Variants in NTM observed in about 807,000 individuals in gnomAD.
NTM encodes IgLON family member 2.
NTM carries 13 observed loss-of-function variants against 42.1 expected under a neutral mutation model. The observed-to-expected ratio is 0.31, with a 90% CI of 0.20 to 0.49. NTM has a LOEUF of 0.49. Among genes scored for constraint, NTM ranks in the 20% least tolerant of loss-of-function variants. The pLI, the probability that NTM is intolerant of heterozygous loss-of-function variation, is 0.99. For missense variants in NTM, 373 were observed against 452.8 expected (o/e 0.82, Z 1.60); for synonymous variants, 187 against 179.2 (o/e 1.04, Z -0.35).
chr11:131,629,034 C>T (rs940706588), intron 1 of NTM, among the ~76,000 whole-genome samples: 3 of 152,188 alleles, frequency 2.0e-5, no homozygotes, highest in Non-Finnish European at 4.4e-5. Flanking sequence ...GGCAATAAGC[C>T]GTGTCTGTCC....
chr11:131,516,893 T>C (rs555185754), intron 1 of NTM, among the ~76,000 whole-genome samples: 70 of 152,196 alleles, frequency 4.6e-4, no homozygotes, highest in Non-Finnish European at 9.0e-4. Context: ...GTTTCCACAG[T>C]AGATATAGGG....
At chr11:131,646,726 C>T (rs948601379) in intron 1 of NTM, among the ~76,000 whole-genome samples, 5 of 151,716 alleles carry the variant, frequency 3.3e-5, no homozygotes, top group Non-Finnish European at 5.9e-5. Context: ...CCAACAGAAA[C>T]GTATAGTGGG....
chr11:132,237,459 C>T lies in NTM; in HGVS notation c.526+25312C>T, dbSNP rs549319299. Among the ~76,000 whole-genome samples, 322 of 152,302 alleles carry T rather than the reference C, an allele frequency of 2.1e-3. 1 individual carries two copies. The highest frequency in any genetic ancestry group is 7.3e-3 in the African/African-American group (304 of 41,572). The stretch of plus-strand genomic sequence containing the variant: ...TGAAATTTTGTCTTGATAATTAGCT[C>T]TTTACTCTCTCAGCCTTTGGGCCAC... On this transcript the variant is annotated intron_variant, in intron 4 of 8. Transcript: ENST00000683400.
At chr11:131,991,427 ATTACT>A (rs1196438025) in intron 2 of NTM, among the ~76,000 whole-genome samples, 3 of 152,238 alleles carry the variant, frequency 2.0e-5, no homozygotes, top group Middle Eastern at 3.4e-3. Flanking sequence ...TGATTAAATG[ATTACT>A]TTAGTCTTTC....
chr11:131,836,760 C>G (rs1313965246), intron 1 of NTM, among the ~76,000 whole-genome samples: 1 of 152,128 alleles, frequency 6.6e-6, no homozygotes, highest in Non-Finnish European at 1.5e-5. Flanking sequence ...ACTAATTACT[C>G]TGGAACTGAT....
At chr11:131,492,726 TG>T (rs1180051543) in intron 1 of NTM, among the ~76,000 whole-genome samples, 1 of 152,062 alleles carries the variant, frequency 6.6e-6, no homozygotes, top group Non-Finnish European at 1.5e-5. Context: ...AATATCAAGT[TG>T]AAAAAAATGG....
intron 3 of NTM, among the ~76,000 whole-genome samples, chr11:132,202,207 T>A (rs1487843260): frequency 2.0e-5 from 3 of 152,212 alleles, no homozygotes; most frequent in Non-Finnish European, 4.4e-5. Context: ...GGGTTACTTG[T>A]GTAACCTCTC....
At chr11:132,123,628 T>C (rs938959559) in intron 2 of NTM, among the ~76,000 whole-genome samples, 1 of 152,204 alleles carries the variant, frequency 6.6e-6, no homozygotes, top group Admixed American at 6.5e-5. Flanking sequence ...CAATGCTATA[T>C]GCGCATTTGA....
chr11:132,260,799 G>A (rs2092800560), intron 4 of NTM, among the ~76,000 whole-genome samples: 1 of 152,360 alleles, frequency 6.6e-6, no homozygotes, highest in Non-Finnish European at 1.5e-5. Flanking sequence ...GGTGTTGGCA[G>A]TAGAACACCA....
At chr11:131,910,980 T>A in intron 1 of NTM, 1 of 997,476 alleles carries the variant, frequency 1.0e-6, no homozygotes, top group East Asian at 1.0e-4. Flanking sequence ...CCGATTGTTT[T>A]CCGGTGGCGA....
intron 3 of NTM, among the ~76,000 whole-genome samples, chr11:132,182,048 A>G (rs2077665728): frequency 6.6e-6 from 1 of 151,414 alleles, no homozygotes; most frequent in Non-Finnish European, 1.5e-5. Flanking sequence ...AATGGCAAAA[A>G]CCCACTCCAT....
At chr11:132,046,816 A>C (rs796538658) in intron 2 of NTM, among the ~76,000 whole-genome samples, 16 of 152,314 alleles carry the variant, frequency 1.1e-4, no homozygotes, top group African/African-American at 3.8e-4. Context: ...CTGTCTGTCT[A>C]TCTATCTAAC....
intron 2 of NTM, among the ~76,000 whole-genome samples, chr11:131,985,168 G>A (rs777235921): frequency 6.6e-5 from 10 of 152,110 alleles, no homozygotes; most frequent in Admixed American, 1.3e-4. Flanking sequence ...TCCCAGAAAC[G>A]CTTTGGCTCT....
At chr11:132,038,831 C>A (rs935335184) in intron 2 of NTM, among the ~76,000 whole-genome samples, 4 of 152,194 alleles carry the variant, frequency 2.6e-5, no homozygotes, top group African/African-American at 9.6e-5. Flanking sequence ...GTCCCTGTGT[C>A]CCTCCGTCCC....
chr11:131,654,989 A>G (rs1192262704), intron 1 of NTM, among the ~76,000 whole-genome samples: 1 of 152,100 alleles, frequency 6.6e-6, no homozygotes, highest in African/African-American at 2.4e-5. Context: ...CATGTACTCA[A>G]TCGGAAATGC....
chr11:132,332,063 A>G (rs903892018), intron 8 of NTM, among the ~76,000 whole-genome samples: 7 of 152,226 alleles, frequency 4.6e-5, no homozygotes, highest in African/African-American at 1.7e-4. Context: ...GATTTGGGGT[A>G]GAAACATCAC....
intron 1 of NTM, among the ~76,000 whole-genome samples, chr11:131,473,449 C>G (rs1952638030): frequency 6.6e-6 from 1 of 152,140 alleles, no homozygotes; most frequent in African/African-American, 2.4e-5. Flanking sequence ...TTTTTTTAAG[C>G]TCATTCATAG....
At chr11:131,480,965 A>G (rs185659162) in intron 1 of NTM, among the ~76,000 whole-genome samples, 24 of 152,300 alleles carry the variant, frequency 1.6e-4, no homozygotes, top group African/African-American at 5.8e-4. Flanking sequence ...ATTAATGGCA[A>G]TGTGCAGATG....
At chr11:131,887,072 A>G (rs1204845160) in intron 1 of NTM, among the ~76,000 whole-genome samples, 1 of 152,244 alleles carries the variant, frequency 6.6e-6, no homozygotes, top group East Asian at 1.9e-4. Flanking sequence ...AACGTACAGC[A>G]TGATGACTAC....
Sources: allele counts gnomAD v4.1 joint callset (sites outside exome capture counted in the v4.1 genomes callset), GRCh38; gene constraint gnomAD v4.1.1; transcripts MANE v1.5; gene names NCBI Gene and HGNC (gene_info 2026-07-23, HGNC 2026-07-21).